Variants in VMP1 observed in about 807,000 individuals in gnomAD.
The protein encoded by VMP1 is vacuole membrane protein 1.
VMP1 carries 11 observed loss-of-function variants against 56.0 expected under a neutral mutation model. The ratio of observed to expected loss-of-function variants is 0.20; its 90% CI spans 0.12 to 0.32. VMP1 has a LOEUF of 0.32. VMP1 is among the 10% of genes least tolerant of loss of function. VMP1 has a pLI of 1.00. For synonymous variants in VMP1, 149 were observed against 165.0 expected, an observed-to-expected ratio of 0.90 and a Z score of 0.74; for missense variants, 296 against 490.3, an observed-to-expected ratio of 0.60 and a Z score of 3.74.
intron 9 of VMP1, among the ~76,000 whole-genome samples, chr17:59,817,342 C>CTTTTATTTTA (rs71145577): frequency 1.4e-3 from 186 of 137,448 alleles, no homozygotes; most frequent in Non-Finnish European, 2.3e-3. Flanking sequence ...TAAATGTTAT[C>CTTTTATTTTA]TTTTATTTTA....
intron 8 of VMP1, among the ~76,000 whole-genome samples, chr17:59,811,254 A>G (rs939060596): frequency 1.3e-5 from 2 of 152,212 alleles, no homozygotes; most frequent in African/African-American, 4.8e-5. Context: ...AACTGCTGAA[A>G]CAATCTTAAG....
At chr17:59,798,078 T>C (rs193064841) in intron 7 of VMP1, among the ~76,000 whole-genome samples, 1 of 152,300 alleles carries the variant, frequency 6.6e-6, no homozygotes, top group East Asian at 1.9e-4. Flanking sequence ...GTGTTGTAAA[T>C]TTCCATTAAG....
intron 10 of VMP1, among the ~76,000 whole-genome samples, chr17:59,822,904 C>CTT (rs2038503288): frequency 6.6e-6 from 1 of 151,982 alleles, no homozygotes; most frequent in South Asian, 2.1e-4. Flanking sequence ...TAGTAAGACT[C>CTT]TGTCTGTCTC....
At chr17:59,808,750 T>C (rs1038902637) in intron 7 of VMP1, 46 bp from the exon 8 acceptor site, 10 of 1,480,078 alleles carry the variant, frequency 6.8e-6, no homozygotes, top group Admixed American at 3.5e-5. Flanking sequence ...CATCTTTCCT[T>C]CTTTTCCTAC....
rs1157386675 is a variant in VMP1 at position 59,841,829 on chromosome 17, C to T, written c.*1918C>T. 7 of 151,882 alleles carry T rather than the reference C, an allele frequency of 4.6e-5. No homozygotes were observed. In the East Asian group the frequency reaches 1.3e-3, roughly 29 times the overall value. 9.4% of individuals were successfully genotyped at this position (151,882 alleles called of 1,614,324 possible). On this transcript the variant is annotated 3_prime_UTR_variant, in exon 12 of 12. Transcript: ENST00000262291. ...ACGAATTGTACTATTTGTACCAAAT[C>T]TTTGGGATTCATTGGCAAATAATTT... is the stretch of plus-strand genomic sequence containing the variant.
chr17:59,782,957 C>T (rs1207970381), intron 7 of VMP1, among the ~76,000 whole-genome samples: 1 of 152,074 alleles, frequency 6.6e-6, no homozygotes, highest in Non-Finnish European at 1.5e-5. Context: ...AATCCCAACA[C>T]GCCCAAGGCA....
chr17:59,732,826 C>T (rs1014641063), intron 2 of VMP1, among the ~76,000 whole-genome samples: 1 of 152,016 alleles, frequency 6.6e-6, no homozygotes, highest in Non-Finnish European at 1.5e-5. Context: ...TCTTCTGTAC[C>T]AGGTGTTTTT....
intron 7 of VMP1, among the ~76,000 whole-genome samples, chr17:59,790,339 AT>A (rs1042818431): frequency 6.6e-6 from 1 of 152,038 alleles, no homozygotes; most frequent in Non-Finnish European, 1.5e-5. Flanking sequence ...TATATTTTAG[AT>A]TTTTTTGCCC....
At position 59,838,352 on chromosome 17, in the gene VMP1, T is replaced by A; in HGVS notation, c.1032T>A (p.Ala344=). 1.2e-6 allele frequency: 2 copies of A among 1,614,114 alleles called. No homozygotes were observed. Among genetic ancestry groups the A allele is most frequent in the Non-Finnish European group, 1.7e-6 (2 of 1,180,020 alleles). ...LQKPFQEYLE[A]QRQKLHHKSE... ...AGCCATTTCAGGAGTACCTGGAGGC[T>A]CAACGGCAGAAGCTTCACCACAAAA... is the stretch of plus-strand genomic sequence containing the variant. The change falls in exon 11 of 12, where the codon GCT becomes GCA. Residue 344 remains alanine (A), a synonymous_variant. Transcript: ENST00000262291.
chr17:59,740,084 A>G (rs565330559), intron 5 of VMP1, among the ~76,000 whole-genome samples: 2 of 152,020 alleles, frequency 1.3e-5, no homozygotes, highest in African/African-American at 4.8e-5. Context: ...CTCAAAAAAA[A>G]AAAAAGAAAA....
chr17:59,791,184 CTTTTTTTT>C (rs200633751), intron 7 of VMP1, among the ~76,000 whole-genome samples: 115 of 133,614 alleles, frequency 8.6e-4, no homozygotes, highest in Non-Finnish European at 1.1e-3. Context: ...TCCCAGTTCC[CTTTTTTTT>C]TTTTTTTTTT....
At chr17:59,750,926 CTT>C (rs35948198) in intron 5 of VMP1, among the ~76,000 whole-genome samples, 3 of 91,038 alleles carry the variant, frequency 3.3e-5, no homozygotes, top group African/African-American at 4.9e-5. Flanking sequence ...AAGATAGCAC[CTT>C]TTTTTTTTTT....
At chr17:59,812,079 T>C (rs915660391) in intron 9 of VMP1, among the ~76,000 whole-genome samples, 4 of 152,174 alleles carry the variant, frequency 2.6e-5, no homozygotes, top group Non-Finnish European at 5.9e-5. Flanking sequence ...CAAACAAAAA[T>C]AGTGTTTGTG....
chr17:59,781,018 G>A (rs1300364594), intron 7 of VMP1, among the ~76,000 whole-genome samples: 2 of 152,168 alleles, frequency 1.3e-5, no homozygotes, highest in African/African-American at 4.8e-5. Context: ...CAGATAAGGT[G>A]TATAAGATTT....
intron 1 of VMP1, among the ~76,000 whole-genome samples, chr17:59,715,810 C>G (rs1437444666): frequency 6.6e-6 from 1 of 151,978 alleles, no homozygotes; most frequent in African/African-American, 2.4e-5. Flanking sequence ...ATGTAATAGT[C>G]CAATTTTTAT....
chr17:59,783,869 A>G (rs2036911965), intron 7 of VMP1, among the ~76,000 whole-genome samples: 1 of 152,172 alleles, frequency 6.6e-6, no homozygotes, highest in African/African-American at 2.4e-5. Flanking sequence ...CACACAAAGT[A>G]ACAAAAATAA....
intron 7 of VMP1, among the ~76,000 whole-genome samples, chr17:59,790,312 C>T (rs1358997553): frequency 1.3e-5 from 2 of 152,104 alleles, no homozygotes; most frequent in Non-Finnish European, 2.9e-5. Flanking sequence ...ATTCAGTGCT[C>T]CCCTCAAAAG....
chr17:59,814,213 A>C (rs548854057), intron 9 of VMP1, among the ~76,000 whole-genome samples: 6 of 152,304 alleles, frequency 3.9e-5, no homozygotes, highest in Non-Finnish European at 2.9e-5. Context: ...TCCTGACCTC[A>C]TGATCTGCCC....
At chr17:59,803,987 G>C (rs988134360) in intron 7 of VMP1, among the ~76,000 whole-genome samples, 1 of 151,634 alleles carries the variant, frequency 6.6e-6, no homozygotes, top group African/African-American at 2.4e-5. Flanking sequence ...GTGGTGTTAG[G>C]TGTGTGAGTA....
Sources: gnomAD v4.1 joint callset for allele counts (sites outside exome capture counted in the v4.1 genomes callset) on GRCh38, gnomAD v4.1.1 for gene constraint, MANE v1.5 for transcripts, NCBI Gene and HGNC (gene_info 2026-07-23, HGNC 2026-07-21) for gene names.